Variants in LIMS2 observed in about 807,000 individuals in gnomAD.
LIMS2 encodes LIM and senescent cell antigen-like-containing domain protein 2.
LIMS2 carries 30 observed loss-of-function variants against 45.3 expected under a neutral mutation model. The ratio of observed to expected loss-of-function variants is 0.66; its 90% confidence interval spans 0.50 to 0.90. The LOEUF is 0.90. LIMS2 is among the 40% of genes least tolerant of loss of function. LIMS2 has a pLI of 0.00. For synonymous variants in LIMS2, 173 were observed against 188.0 expected (o/e 0.92, Z 0.65); for missense variants, 485 against 468.7 (o/e 1.03, Z -0.32).
chr2:127,659,143 A>G (rs979541430), intron 1 of LIMS2, among the ~76,000 whole-genome samples: 4 of 152,056 alleles, frequency 2.6e-5, no homozygotes, highest in Admixed American at 2.6e-4. Context: ...TGGACTGGAA[A>G]CTTGAAAGGG....
At chr2:127,654,589 C>G in intron 3 of LIMS2, 45 bp from the exon 4 acceptor site, 1 of 1,613,166 alleles carries the variant, frequency 6.2e-7, no homozygotes, top group Non-Finnish European at 8.5e-7. Context: ...ACGTGCCTGT[C>G]CCCTCTTCGG....
chr2:127,673,831 AC>A, intron 1 of LIMS2: 4 of 1,209,234 alleles, frequency 3.3e-6, no homozygotes, highest in Non-Finnish European at 4.7e-6. Context: ...CTAGGGGGTG[AC>A]CACAGGCAGC....
Position 127,653,760 on chromosome 2 carries a change from C to A in LIMS2, c.359+664G>T, listed in dbSNP as rs111314203. On this transcript the variant is annotated intron_variant, in intron 4 of 9. Transcript: ENST00000355119. The surrounding 1 kb of genome is among the most constrained non-coding windows in gnomAD (Gnocchi z 5.3). ...GGGCAGATGAGGCCAGGGTAGCACACGCGAGGGGCAGCGGGTGTGCTGGGA... is the reference window on the plus strand; with the variant it reads ...GGGCAGATGAGGCCAGGGTAGCACAAGCGAGGGGCAGCGGGTGTGCTGGGA... Among the ~76,000 whole-genome samples, 1 of 152,124 alleles carries A rather than the reference C, an allele frequency of 6.6e-6. No individual in the cohort carries two copies. The highest frequency in any genetic ancestry group is 2.4e-5 in the African/African-American group (1 of 41,502).
intron 4 of LIMS2, among the ~76,000 whole-genome samples, chr2:127,649,165 T>TAGGAAGGAAGGAGGGAAAGAAGGA: frequency 1.5e-5 from 2 of 134,344 alleles, no homozygotes; most frequent in South Asian, 5.0e-4. Flanking sequence ...GAGAGGAAGG[T>TAGGAAGGAAGGAGGGAAAGAAGGA]AGGAAGGAAG....
chr2:127,673,490 C>T (rs191750892), intron 1 of LIMS2, among the ~76,000 whole-genome samples: 28 of 152,310 alleles, frequency 1.8e-4, no homozygotes, highest in African/African-American at 6.0e-4. Flanking sequence ...ACCTGCCTTC[C>T]CAGCGGTTCC....
In LIMS2 at chr2:127,664,584, TAGAA is replaced by T; in HGVS notation, c.12-7026_12-7023del. On this transcript the variant is annotated intron_variant, in intron 1 of 9. Coordinates refer to ENST00000355119, the MANE Select transcript of LIMS2 (RefSeq NM_001161403.3). The surrounding 1 kb of genome is among the most constrained non-coding windows in gnomAD (Gnocchi z 5.5). ...AAAGGGCAGCAGAGTCAACTCCAAA[TAGAA>T]AGGATATTGTTCGCGCCGCGGGGGC... 1.8e-6 allele frequency: 2 copies of T among 1,136,674 alleles called. No homozygotes were observed. The highest frequency in any genetic ancestry group is 2.2e-6 in the Non-Finnish European group (2 of 927,686). The allele number at this position is 1,136,674 out of a possible 1,614,324, so 70.4% of individuals were successfully genotyped here. A position where few individuals can be genotyped will look rare whatever the true frequency, so the allele number is the denominator to read the frequency against.
At position 127,654,511 on chromosome 2, in the gene LIMS2, A is replaced by G; in HGVS notation, c.272T>C (p.Met91Thr). ...GCAGCCCGGGTGCCAGTTGTTGTTCATGGCCTTGATGACGCGGCCAATGAT... is the reference window on the plus strand; with the variant it reads ...GCAGCCCGGGTGCCAGTTGTTGTTCGTGGCCTTGATGACGCGGCCAATGAT... The part of the protein sequence containing the change: ...EFIIGRVIKA[M>T]NNNWHPGCFR... The change falls in exon 4 of 10, where the codon ATG becomes ACG. Residue 91 changes from methionine (M) to threonine (T), a missense_variant. Transcript: ENST00000355119. The G allele has an allele frequency of 1.2e-6, 2 of 1,614,126 alleles. No homozygotes were observed. The highest frequency in any genetic ancestry group is 1.7e-6 in the Non-Finnish European group (2 of 1,180,012).
At chr2:127,650,341 C>G (rs1360723611) in intron 4 of LIMS2, 1 of 555,032 alleles carries the variant, frequency 1.8e-6, no homozygotes, top group East Asian at 3.1e-5. Context: ...GTCACTCAGA[C>G]AGCACACCTC....
chr2:127,671,431 T>C lies in LIMS2; in HGVS notation c.11+3583A>G, dbSNP rs1685265564. On this transcript the variant is annotated intron_variant, in intron 1 of 9. Coordinates refer to ENST00000355119, the MANE Select transcript of LIMS2 (RefSeq NM_001161403.3). The surrounding 1 kb of genome is among the most constrained non-coding windows in gnomAD (Gnocchi z 4.1). ...TTGGGTGACAGAGCGAGACTCCATC[T>C]CAAAAAAAAAAAAAAGAGCCTGCAT... Among the ~76,000 whole-genome samples the C allele has an allele frequency of 7.5e-6, 1 of 132,850 alleles. No homozygotes were observed. Among genetic ancestry groups the C allele is most frequent in the Non-Finnish European group, 1.6e-5 (1 of 63,876 alleles). The allele number at this position is 132,850 out of a possible 152,430, so 87.2% of individuals were successfully genotyped here.
chr2:127,654,671 G>T, intron 3 of LIMS2, 127 bp from the exon 4 acceptor site: 2 of 1,512,490 alleles, frequency 1.3e-6, no homozygotes, highest in Non-Finnish European at 1.8e-6. Context: ...TCGTGGGATG[G>T]TGATGCCTGT....
Position 127,654,903 on chromosome 2 carries a change from A to G in LIMS2, c.172-7T>C. 6.2e-7 allele frequency: 1 copy of G among 1,613,478 alleles called. No individual in the cohort carries two copies. The highest frequency in any genetic ancestry group is 1.1e-5 in the South Asian group (1 of 90,976). ...AGTACTTCCGGCCTTCAAACTGCAA[A>G]GGGGTCGCAGAGAGAGGACAAGCAA... On this transcript the variant is annotated splice_polypyrimidine_tract_variant and splice_region_variant and intron_variant, in intron 2 of 9. Transcript: ENST00000355119.
At chr2:127,648,201 T>G in intron 4 of LIMS2, 1 of 985,430 alleles carries the variant, frequency 1.0e-6, no homozygotes, top group South Asian at 4.7e-5. Flanking sequence ...GAACAGACCC[T>G]GTTCCTGGAA....
intron 4 of LIMS2, chr2:127,651,407 T>C: frequency 6.2e-7 from 1 of 1,612,856 alleles, no homozygotes. Context: ...AGGGCCTGCG[T>C]GTGGAGAAGC....
chr2:127,651,897 G>C, intron 4 of LIMS2: 1 of 759,082 alleles, frequency 1.3e-6, no homozygotes, highest in Non-Finnish European at 2.1e-6. Flanking sequence ...AGATCGCCTA[G>C]TCTCAACCCA....
At chr2:127,666,181 C>G (rs1684989413) in intron 1 of LIMS2, among the ~76,000 whole-genome samples, 1 of 152,026 alleles carries the variant, frequency 6.6e-6, no homozygotes, top group Non-Finnish European at 1.5e-5. Context: ...TGCTCTGGCT[C>G]TAGATATTTG....
At chr2:127,640,466 AG>A (rs1200019502) in intron 7 of LIMS2, 148 bp from the exon 8 acceptor site, 26 of 817,998 alleles carry the variant, frequency 3.2e-5, no homozygotes, top group Non-Finnish European at 5.2e-5. Flanking sequence ...GGCTGGGTTG[AG>A]GGCACGGCAA....
chr2:127,647,228 G>A lies in LIMS2; in HGVS notation c.360-4156C>T, dbSNP rs954561451. Among the ~76,000 whole-genome samples, 1 of 152,208 alleles carries A rather than the reference G, an allele frequency of 6.6e-6. No individual in the cohort carries two copies. The highest frequency in any genetic ancestry group is 1.5e-5 in the Non-Finnish European group (1 of 68,026). ...TTTCATACATGGGCCCCTAAAATGAGGGAGTGGCCCCAGGGCCAGGAGGGG... is the reference window on the plus strand; with the variant it reads ...TTTCATACATGGGCCCCTAAAATGAAGGAGTGGCCCCAGGGCCAGGAGGGG... On this transcript the variant is annotated intron_variant, in intron 4 of 9. Transcript: ENST00000355119. The surrounding 1 kb of genome is among the most constrained non-coding windows in gnomAD (Gnocchi z 4.3).
intron 1 of LIMS2, chr2:127,673,793 G>A: frequency 1.3e-6 from 2 of 1,519,224 alleles, no homozygotes; most frequent in Non-Finnish European, 1.8e-6. Context: ...ATGCTCTGAG[G>A]AAAATGGGAG....
At chr2:127,651,757 CG>C (rs1391940115) in intron 4 of LIMS2, 2 of 1,609,648 alleles carry the variant, frequency 1.2e-6, no homozygotes, top group Non-Finnish European at 1.7e-6. Context: ...GAGCTGTGAG[CG>C]GGGGGCGCCG....
Sources: gnomAD v4.1 joint callset for allele counts (sites outside exome capture counted in the v4.1 genomes callset) on GRCh38, gnomAD v4.1.1 for gene constraint, Gnocchi (gnomAD v3.1) non-coding constraint, MANE v1.5 for transcripts, NCBI Gene and HGNC (gene_info 2026-07-23, HGNC 2026-07-21) for gene names.